The following USO1 variants were observed in gnomAD, a reference collection of about 807,000 sequenced individuals.
USO1 encodes the protein general vesicular transport factor p115.
In USO1, 57 loss-of-function variants were observed where a neutral mutation model predicts 124.5. The ratio of observed to expected loss-of-function variants is 0.46; its 90% CI spans 0.37 to 0.57. The LOEUF (loss-of-function observed/expected upper bound fraction) is 0.57, where lower values mean the gene tolerates loss of function less well. Ranked by LOEUF, USO1 falls within the 20% of genes least tolerant of loss-of-function variation. The pLI is 0.00. For missense variants in USO1, 900 were observed against 1,040.6 expected (o/e 0.86, Z 1.86); for synonymous variants, 369 against 362.8 (o/e 1.02, Z -0.19).
Position 75,800,730 on chromosome 4 carries a change from C to G in USO1, c.1795C>G (p.Pro599Ala), listed in dbSNP as rs528522902. The change falls in exon 16 of 24, where the codon CCA (proline) becomes GCA (alanine). Residue 599 changes from proline (P) to alanine (A), a missense_variant. This residue lies in a region of USO1 where 538 missense variants were observed against 681.6 expected (regional missense o/e 0.79). Transcript: ENST00000514213. ...LYSRASQKPQ[P>A]NFPSPEYMIF... ...TTCCAGAGCATCTCAGAAACCCCAG[C>G]CAAACTTTCCCAGTCCAGAATACAT... 5.0e-6 allele frequency: 8 copies of G among 1,611,864 alleles called. No homozygotes were observed. The South Asian group carries it at 8.8e-5, about 18-fold the overall frequency.
At chr4:75,753,670 A>G (rs1721350784) in intron 3 of USO1, among the ~76,000 whole-genome samples, 1 of 152,142 alleles carries the variant, frequency 6.6e-6, no homozygotes, top group Admixed American at 6.5e-5. Flanking sequence ...GTGAGCCGTG[A>G]TCATACCACT....
intron 17 of USO1, 75 bp downstream of exon 17, chr4:75,801,275 G>C: frequency 7.0e-7 from 1 of 1,424,446 alleles, no homozygotes; most frequent in African/African-American, 1.4e-5. Flanking sequence ...CTTTTTTTCT[G>C]ACATTTCAAA....
At chr4:75,795,393 T>C in intron 13 of USO1, 1 of 700,708 alleles carries the variant, frequency 1.4e-6, no homozygotes, top group East Asian at 2.7e-5. Context: ...CATTTTCCTC[T>C]TATAGCAAAG....
intron 1 of USO1, among the ~76,000 whole-genome samples, chr4:75,743,839 C>T (rs966496910): frequency 6.6e-6 from 1 of 152,112 alleles, no homozygotes; most frequent in Admixed American, 6.5e-5. Context: ...TGCAGTGGCG[C>T]GATCTTGGCT....
chr4:75,806,553 A>C lies in USO1; in HGVS notation c.2357A>C (p.Gln786Pro). 1 of 1,556,732 alleles carries C rather than the reference A, an allele frequency of 6.4e-7. No individual in the cohort carries two copies. The highest frequency in any genetic ancestry group is 1.2e-5 in the South Asian group (1 of 84,244). ...SAIVSARDSEQVAELKQELAT... is the reference protein window; with the variant it reads ...SAIVSARDSEPVAELKQELAT... ...ATAGTTTCAGCTAGAGATTCTGAAC[A>C]AGTTGCAGAATTAAAACAGGTAATT... The change falls in exon 20 of 24, where the codon CAA (glutamine) becomes CCA (proline). Residue 786 changes from glutamine (Q) to proline (P), a missense_variant. Gln to Pro is a moderately conservative substitution (Grantham distance 76). Coordinates refer to ENST00000514213, the MANE Select transcript of USO1 (RefSeq NM_003715.4).
chr4:75,753,780 A>ATT (rs1180101340), intron 3 of USO1, among the ~76,000 whole-genome samples: 1,918 of 125,658 alleles, frequency 0.015, 41 homozygotes, highest in African/African-American at 0.027. Flanking sequence ...AGCTCTTTCA[A>ATT]TTTTTTTTTT....
intron 1 of USO1, among the ~76,000 whole-genome samples, chr4:75,727,203 A>C (rs2149134273): frequency 6.6e-6 from 1 of 152,330 alleles, no homozygotes; most frequent in Non-Finnish European, 1.5e-5. Context: ...TTCATTTTAT[A>C]GTCACAGAGC....
chr4:75,730,497 A>G (rs1290704109), intron 1 of USO1, among the ~76,000 whole-genome samples: 1 of 152,118 alleles, frequency 6.6e-6, no homozygotes, highest in Admixed American at 6.5e-5. Flanking sequence ...TATTTTGAGA[A>G]GCATACTTAG....
intron 3 of USO1, among the ~76,000 whole-genome samples, chr4:75,756,389 A>G (rs558550435): frequency 6.6e-6 from 1 of 150,602 alleles, no homozygotes; most frequent in South Asian, 2.1e-4. Context: ...TGAGTGTTAA[A>G]TCACACGCAT....
At chr4:75,743,305 C>A (rs1177210725) in intron 1 of USO1, among the ~76,000 whole-genome samples, 1 of 152,146 alleles carries the variant, frequency 6.6e-6, no homozygotes, top group Non-Finnish European at 1.5e-5. Context: ...TATCTTTTAA[C>A]TGTACAATTA....
intron 21 of USO1, among the ~76,000 whole-genome samples, chr4:75,809,955 A>T (rs1427009103): frequency 1.3e-5 from 2 of 152,212 alleles, no homozygotes. Flanking sequence ...GTATTTTAGA[A>T]AAAAGACAAG....
At chr4:75,803,103 CAAGAAAAAAAGAAAGAAAGAA>C (rs1722899515) in intron 17 of USO1, among the ~76,000 whole-genome samples, 2 of 139,852 alleles carry the variant, frequency 1.4e-5, no homozygotes. Flanking sequence ...AAAAAAAACC[CAAGAAAAAAAGAAAGAAAGAA>C]AAGAAAAAAA....
At chr4:75,724,973 C>G in intron 1 of USO1, 88 bp downstream of exon 1, 4 of 1,442,280 alleles carry the variant, frequency 2.8e-6, no homozygotes, top group South Asian at 1.2e-5. Context: ...TCACCTCCAG[C>G]GTCCCACCAT....
intron 4 of USO1, among the ~76,000 whole-genome samples, chr4:75,763,158 C>G (rs1421890402): frequency 6.6e-6 from 1 of 152,146 alleles, no homozygotes; most frequent in Non-Finnish European, 1.5e-5. Context: ...GGAAAAAGTA[C>G]TACTAGAAAT....
chr4:75,800,619 G>C lies in USO1; in HGVS notation c.1684G>C (p.Glu562Gln). The C allele has an allele frequency of 1.9e-6, 3 of 1,555,126 alleles. No homozygotes were observed. In the East Asian group the frequency reaches 6.8e-5, roughly 35 times the overall value. Residue 562 changes from glutamate to glutamine, a missense_variant and splice_region_variant, in exon 16 of 24, where the codon GAG becomes CAG. Physicochemically the swap from Glu to Gln is conservative, Grantham distance 29 (BLOSUM62 2). This residue lies in a region of USO1 where 538 missense variants were observed against 681.6 expected (regional missense o/e 0.79). Coordinates refer to ENST00000514213, the MANE Select transcript of USO1 (RefSeq NM_003715.4). ...NDNSLESYMK[E>Q]KLKQLIEKRI... Reference sequence around the variant, plus strand: ...ATCTCAATATGCTTATCTCCGTAGAGAGAAGCTAAAACAACTGATTGAGAA... The same window carrying C: ...ATCTCAATATGCTTATCTCCGTAGACAGAAGCTAAAACAACTGATTGAGAA...
intron 4 of USO1, among the ~76,000 whole-genome samples, chr4:75,768,516 T>C (rs1488455250): frequency 6.6e-6 from 1 of 152,272 alleles, no homozygotes; most frequent in Admixed American, 6.5e-5. Flanking sequence ...GCTTACTTAT[T>C]AGTTCTATTA....
At chr4:75,769,084 C>T (rs1221413621) in intron 4 of USO1, among the ~76,000 whole-genome samples, 3 of 152,140 alleles carry the variant, frequency 2.0e-5, no homozygotes, top group African/African-American at 4.8e-5. Context: ...CCCCACACTC[C>T]TCTGTGCAAC....
intron 13 of USO1, among the ~76,000 whole-genome samples, chr4:75,799,107 T>C (rs937915252): frequency 2.0e-5 from 3 of 152,198 alleles, no homozygotes; most frequent in Non-Finnish European, 4.4e-5. Context: ...TATTTATTGT[T>C]AGAGAATATA....
chr4:75,811,984 G>A (rs911801548), intron 22 of USO1, among the ~76,000 whole-genome samples, 176 bp from the exon 23 acceptor site: 4 of 152,124 alleles, frequency 2.6e-5, no homozygotes, highest in African/African-American at 9.7e-5. Flanking sequence ...TTGATGAACA[G>A]TCTAATAAAT....
Sources: allele counts gnomAD v4.1 joint callset (sites outside exome capture counted in the v4.1 genomes callset), GRCh38; gene constraint gnomAD v4.1.1; regional missense constraint gnomAD v4.1.1; transcripts MANE v1.5; gene names NCBI Gene and HGNC (gene_info 2026-07-23, HGNC 2026-07-21).